Variants in ZCCHC14 observed in about 807,000 individuals in gnomAD.
The protein encoded by ZCCHC14 is zinc finger CCHC domain-containing protein 14.
Under a neutral mutation model 85.0 loss-of-function variants are expected in ZCCHC14, and 16 were observed. The ratio of observed to expected loss-of-function variants is 0.19; its 90% CI spans 0.13 to 0.29. ZCCHC14 has a LOEUF of 0.29. Among genes scored for constraint, ZCCHC14 ranks in the 10% least tolerant of loss-of-function variants. ZCCHC14 has a pLI of 1.00. For synonymous variants in ZCCHC14, 775 were observed against 630.7 expected (o/e 1.23, Z -3.43); for missense variants, 1,303 against 1,443.5 (o/e 0.90, Z 1.58).
At chr16:87,483,909 G>A (rs184630997) in intron 1 of ZCCHC14, among the ~76,000 whole-genome samples, 23 of 152,322 alleles carry the variant, frequency 1.5e-4, no homozygotes, top group South Asian at 1.0e-3. Flanking sequence ...AAATGACAGT[G>A]CACTGGTTTG....
chr16:87,480,130 G>T (rs576364573), intron 1 of ZCCHC14, among the ~76,000 whole-genome samples: 1 of 151,974 alleles, frequency 6.6e-6, no homozygotes, highest in Admixed American at 6.5e-5. Context: ...AGGGCCAGGC[G>T]CAGTGGCTCA....
At chr16:87,453,147 G>T (rs1910786304) in intron 2 of ZCCHC14, among the ~76,000 whole-genome samples, 1 of 152,202 alleles carries the variant, frequency 6.6e-6, no homozygotes, top group South Asian at 2.1e-4. Context: ...CTGGAAGGAA[G>T]GGGGTGCTCC....
At chr16:87,444,033 T>A (rs1910312376) in intron 2 of ZCCHC14, among the ~76,000 whole-genome samples, 8 of 94,138 alleles carry the variant, frequency 8.5e-5, no homozygotes, top group South Asian at 3.7e-4. Context: ...TGAGACTCTA[T>A]CACAGAAAAA....
chr16:87,491,430 G>A lies in ZCCHC14; in HGVS notation c.570+239C>T, dbSNP rs978757457. On this transcript the variant is annotated intron_variant, in intron 1 of 12. Coordinates refer to ENST00000671377, the MANE Select transcript of ZCCHC14 (RefSeq NM_015144.3). This position sits in a 1 kb window ranked among gnomAD's most constrained non-coding sequence, Gnocchi z 5.9. ...GGCTTGGGATGTACGGCGGAGGCTT[G>A]GGATGTACGGTGGAGGCTTGGAGAG... 6.6e-6 allele frequency among the ~76,000 whole-genome samples: 1 copy of A among 151,952 alleles called. No homozygotes were observed. The highest frequency in any genetic ancestry group is 1.5e-5 in the Non-Finnish European group (1 of 67,990).
rs140091893 is a variant in ZCCHC14 at position 87,478,813 on chromosome 16, G to A, written c.570+12856C>T. ...GTAGAGATGGGGTTTTACCATATTG[G>A]TCAGGCTGGACTCAAATTCCTGACC... is the stretch of plus-strand genomic sequence containing the variant. On this transcript the variant is annotated intron_variant, in intron 1 of 12. Transcript: ENST00000671377. 6.4e-3 allele frequency among the ~76,000 whole-genome samples: 971 copies of A among 151,942 alleles called. 4 individuals are homozygous for A. Among genetic ancestry groups the A allele is most frequent in the Non-Finnish European group, 9.8e-3 (668 of 67,962 alleles).
At chr16:87,431,379 A>C (rs1459425004) in intron 3 of ZCCHC14, among the ~76,000 whole-genome samples, 1 of 147,040 alleles carries the variant, frequency 6.8e-6, no homozygotes, top group Non-Finnish European at 1.5e-5. Context: ...AGGCTGAGGC[A>C]GGAAAATGGT....
intron 1 of ZCCHC14, chr16:87,470,489 G>C (rs900618044): frequency 1.3e-5 from 2 of 152,156 alleles, no homozygotes; most frequent in African/African-American, 4.8e-5. Context: ...TGGGGCCACT[G>C]TCTGGACAGC....
chr16:87,460,488 A>C (rs1911205867), intron 1 of ZCCHC14, among the ~76,000 whole-genome samples: 1 of 152,128 alleles, frequency 6.6e-6, no homozygotes, highest in Admixed American at 6.5e-5. Flanking sequence ...CCAGGAGTTC[A>C]AGACCAGCCT....
chr16:87,452,721 C>T (rs1333223805), intron 2 of ZCCHC14, among the ~76,000 whole-genome samples: 1 of 152,142 alleles, frequency 6.6e-6, no homozygotes, highest in Non-Finnish European at 1.5e-5. Flanking sequence ...TCACAAATGC[C>T]AAGAAAAGGT....
At chr16:87,423,965 C>A in intron 3 of ZCCHC14, 84 bp from the exon 4 acceptor site, 1 of 1,452,154 alleles carries the variant, frequency 6.9e-7, no homozygotes, top group Non-Finnish European at 9.5e-7. Context: ...GACTGGGGCA[C>A]ACGTTCAGTC....
intron 2 of ZCCHC14, among the ~76,000 whole-genome samples, chr16:87,434,436 T>TTC (rs1433653550): frequency 6.6e-6 from 1 of 152,232 alleles, no homozygotes. Flanking sequence ...TACGGGAGCA[T>TTC]TCTCCCTCCT....
intron 2 of ZCCHC14, among the ~76,000 whole-genome samples, chr16:87,434,055 G>A (rs530542929): frequency 6.6e-5 from 10 of 152,288 alleles, no homozygotes; most frequent in Non-Finnish European, 1.3e-4. Flanking sequence ...GAGCAGAGCC[G>A]GGCTGCAGTG....
Position 87,406,568 on chromosome 16 carries a change from C to A in ZCCHC14, c.*3712G>T, listed in dbSNP as rs1251166076. The A allele has an allele frequency of 6.6e-6, 1 of 152,382 alleles. No homozygotes were observed. Among genetic ancestry groups the A allele is most frequent in the African/African-American group, 2.4e-5 (1 of 41,422 alleles). 9.4% of individuals were successfully genotyped at this position (152,382 alleles called of 1,614,324 possible). On this transcript the variant is annotated 3_prime_UTR_variant, in exon 13 of 13. Coordinates refer to ENST00000671377, the MANE Select transcript of ZCCHC14 (RefSeq NM_015144.3). Reference sequence around the variant, plus strand: ...GAAGGTATCGAGTACACAAGGTGTCCAGTTTCAGTACCAAAGCCTTCTCTT... The same window carrying A: ...GAAGGTATCGAGTACACAAGGTGTCAAGTTTCAGTACCAAAGCCTTCTCTT...
At chr16:87,441,742 T>G (rs1910195119) in intron 2 of ZCCHC14, among the ~76,000 whole-genome samples, 1 of 152,248 alleles carries the variant, frequency 6.6e-6, no homozygotes, top group Non-Finnish European at 1.5e-5. Context: ...AAAAAGGCAC[T>G]CTTATAAAGT....
At chr16:87,415,155 G>C in intron 9 of ZCCHC14, 121 bp downstream of exon 9, 1 of 728,648 alleles carries the variant, frequency 1.4e-6, no homozygotes. Context: ...CATGGCTAAG[G>C]ACTGGATAAG....
At chr16:87,439,158 T>C (rs1383103221) in intron 2 of ZCCHC14, among the ~76,000 whole-genome samples, 1 of 151,966 alleles carries the variant, frequency 6.6e-6, no homozygotes, top group Non-Finnish European at 1.5e-5. Context: ...TTTCTTTTTT[T>C]AGAGGGAGTC....
chr16:87,489,451 A>G (rs765807364), intron 1 of ZCCHC14, among the ~76,000 whole-genome samples: 3 of 152,216 alleles, frequency 2.0e-5, no homozygotes, highest in Non-Finnish European at 4.4e-5. Context: ...AAGTTAGCAA[A>G]CCTCTATAAA....
chr16:87,431,095 T>C (rs975482401), intron 3 of ZCCHC14, among the ~76,000 whole-genome samples: 6 of 151,264 alleles, frequency 4.0e-5, no homozygotes, highest in Admixed American at 1.3e-4. Context: ...ACCAAGATCA[T>C]GCTACTGCAC....
In ZCCHC14 at chr16:87,412,353, C is replaced by T; in HGVS notation, c.2368G>A (p.Gly790Arg). Residue 790 changes from glycine to arginine, a missense_variant, in exon 12 of 13, where the codon GGG becomes AGG. Around this residue, in one of 7 missense-constraint regions of ZCCHC14, gnomAD observed 797 missense variants for 730.8 expected, o/e 1.09. Coordinates refer to ENST00000671377, the MANE Select transcript of ZCCHC14 (RefSeq NM_015144.3). ...ACATTATTAGGACAGGAAGTTTGCC[C>T]AGAAATGGCAGAATCAGCAGGAACA... Reference protein sequence around the residue: ...SSVPADSAISGQTSCPNNVQI... With the variant: ...SSVPADSAISRQTSCPNNVQI... 6.2e-7 allele frequency: 1 copy of T among 1,614,120 alleles called. No individual in the cohort carries two copies. The highest frequency in any genetic ancestry group is 8.5e-7 in the Non-Finnish European group (1 of 1,180,044).
Sources: allele counts gnomAD v4.1 joint callset (sites outside exome capture counted in the v4.1 genomes callset), GRCh38; gene constraint gnomAD v4.1.1; regional missense constraint gnomAD v4.1.1; non-coding constraint Gnocchi (gnomAD v3.1); transcripts MANE v1.5; gene names NCBI Gene and HGNC (gene_info 2026-07-23, HGNC 2026-07-21).